The following ACOT7 variants were observed in gnomAD, a reference collection of about 807,000 sequenced individuals.
The protein encoded by ACOT7 is cytosolic acyl coenzyme A thioester hydrolase.
ACOT7 carries 12 observed loss-of-function variants against 40.2 expected under a neutral mutation model. That is an observed-to-expected ratio of 0.30 (90% CI 0.19 to 0.48). The LOEUF is 0.48. Ranked by LOEUF, ACOT7 falls within the 20% of genes least tolerant of loss-of-function variation. ACOT7 has a pLI of 0.99. For synonymous variants in ACOT7, 228 were observed against 219.5 expected (o/e 1.04, Z -0.34); for missense variants, 395 against 530.8 (o/e 0.74, Z 2.51).
intron 1 of ACOT7, among the ~76,000 whole-genome samples, chr1:6,364,564 A>G (rs1185413460): frequency 6.9e-6 from 1 of 144,132 alleles, no homozygotes; most frequent in Admixed American, 7.0e-5. Flanking sequence ...AAAGCCCAGC[A>G]TTTGGCCTGG....
At chr1:6,300,658 T>C (rs879595152) in intron 6 of ACOT7, among the ~76,000 whole-genome samples, 5 of 136,600 alleles carry the variant, frequency 3.7e-5, no homozygotes, top group Non-Finnish European at 4.6e-5. Flanking sequence ...AAACACAGAA[T>C]CTCACCGGAC....
intron 1 of ACOT7, among the ~76,000 whole-genome samples, chr1:6,376,967 A>G (rs1407343665): frequency 6.6e-6 from 1 of 152,250 alleles, no homozygotes; most frequent in Admixed American, 6.5e-5. Context: ...GACAGCAAAT[A>G]CGCACATGAA....
intron 6 of ACOT7, among the ~76,000 whole-genome samples, chr1:6,317,746 T>TC (rs910350994): frequency 1.4e-5 from 2 of 144,964 alleles, no homozygotes; most frequent in African/African-American, 5.4e-5. Context: ...TTTTTTTTTT[T>TC]CTTGAGACGG....
intron 8 of ACOT7, among the ~76,000 whole-genome samples, chr1:6,276,035 T>C (rs553035625): frequency 3.3e-5 from 5 of 152,274 alleles, no homozygotes; most frequent in African/African-American, 1.2e-4. Flanking sequence ...CTGACAGCCA[T>C]GGAACAGGCT....
intron 1 of ACOT7, among the ~76,000 whole-genome samples, chr1:6,365,045 G>T (rs1332967002): frequency 1.3e-5 from 2 of 151,998 alleles, no homozygotes; most frequent in Non-Finnish European, 2.9e-5. Context: ...GGAAAGGAAT[G>T]AATAACTGAT....
At chr1:6,272,656 C>G (rs990242663) in intron 8 of ACOT7, among the ~76,000 whole-genome samples, 7 of 152,316 alleles carry the variant, frequency 4.6e-5, no homozygotes, top group Middle Eastern at 3.4e-3. Context: ...TTTGCCAGGA[C>G]ACTCCACACC....
intron 8 of ACOT7, among the ~76,000 whole-genome samples, chr1:6,270,748 G>C (rs1639009542): frequency 6.6e-6 from 1 of 152,204 alleles, no homozygotes; most frequent in South Asian, 2.1e-4. Flanking sequence ...GCGGTCCCTG[G>C]TGCATGTGTG....
At chr1:6,302,508 C>G (rs1177192487) in intron 6 of ACOT7, among the ~76,000 whole-genome samples, 3 of 152,076 alleles carry the variant, frequency 2.0e-5, no homozygotes, top group Non-Finnish European at 4.4e-5. Context: ...GGCGAAAAAC[C>G]AGTGCCTCAG....
At chr1:6,381,067 C>G (rs1642324217) in intron 1 of ACOT7, among the ~76,000 whole-genome samples, 1 of 151,798 alleles carries the variant, frequency 6.6e-6, no homozygotes, top group South Asian at 2.1e-4. Flanking sequence ...ATTCATGTAT[C>G]AAAATACCAC....
In ACOT7 at chr1:6,358,892, C is replaced by A; in HGVS notation, c.144-9026G>T. The A allele has an allele frequency of 1.9e-6, 3 of 1,611,082 alleles. No individual in the cohort carries two copies. Among genetic ancestry groups the A allele is most frequent in the Non-Finnish European group, 1.7e-6 (2 of 1,178,482 alleles). On this transcript the variant is annotated intron_variant, in intron 1 of 8. Transcript: ENST00000361521. This position sits in a 1 kb window ranked among gnomAD's most constrained non-coding sequence, Gnocchi z 4.1. The stretch of plus-strand genomic sequence containing the variant: ...TCAGATGCAGAGAAAGGCGAGGGAG[C>A]AGGGAAGCATCACAGAGTCCTTGCC...
At chr1:6,383,644 T>C (rs1490560891) in intron 1 of ACOT7, among the ~76,000 whole-genome samples, 1 of 151,412 alleles carries the variant, frequency 6.6e-6, no homozygotes, top group Admixed American at 6.6e-5. Flanking sequence ...CAAGCAATCT[T>C]CCTGCCTCAA....
chr1:6,385,585 A>G, intron 1 of ACOT7: 1 of 1,612,106 alleles, frequency 6.2e-7, no homozygotes, highest in Non-Finnish European at 8.5e-7. Flanking sequence ...GGCCCCACAC[A>G]TCCCTGGCCA....
chr1:6,285,192 G>A (rs1230672994), intron 7 of ACOT7, among the ~76,000 whole-genome samples: 1 of 152,204 alleles, frequency 6.6e-6, no homozygotes, highest in Non-Finnish European at 1.5e-5. Flanking sequence ...TGGGTCACAT[G>A]TGGACACCAG....
intron 6 of ACOT7, among the ~76,000 whole-genome samples, chr1:6,313,855 T>C (rs915202149): frequency 6.6e-6 from 1 of 152,014 alleles, no homozygotes; most frequent in East Asian, 1.9e-4. Context: ...GAAGCCAAGC[T>C]GTCTGGGTGG....
intron 1 of ACOT7, among the ~76,000 whole-genome samples, chr1:6,370,978 T>C (rs1161536962): frequency 6.6e-6 from 1 of 151,834 alleles, no homozygotes; most frequent in Non-Finnish European, 1.5e-5. Context: ...GCCTGGCTAA[T>C]TTTTATATTT....
In ACOT7 at chr1:6,294,041, G is replaced by A. The variant is rs1402828191; in HGVS notation, c.829+823C>T. Among the ~76,000 whole-genome samples, 1 of 152,200 alleles carries A rather than the reference G, an allele frequency of 6.6e-6. No homozygotes were observed. Among genetic ancestry groups the A allele is most frequent in the Non-Finnish European group, 1.5e-5 (1 of 68,036 alleles). On this transcript the variant is annotated intron_variant, in intron 7 of 8. Coordinates refer to ENST00000361521, the MANE Select transcript of ACOT7 (RefSeq NM_007274.4). This position sits in a 1 kb window ranked among gnomAD's most constrained non-coding sequence, Gnocchi z 4.6. ...TTCCACTCTCGCTTCCCACGACAAGGGGCTGGTCTCAGCCAACAGCTCCTC... is the reference window on the plus strand; with the variant it reads ...TTCCACTCTCGCTTCCCACGACAAGAGGCTGGTCTCAGCCAACAGCTCCTC...
rs745839382 is a variant in ACOT7 at position 6,327,275 on chromosome 1, G to A, written c.625+24C>T. 2.5e-6 allele frequency: 4 copies of A among 1,611,604 alleles called. No individual in the cohort carries two copies. In the South Asian group the frequency reaches 4.4e-5, roughly 18 times the overall value. On this transcript the variant is annotated intron_variant, in intron 5 of 8. Transcript: ENST00000361521. ...GCGTCCCCGGTGAGGAGTGGCACCT[G>A]CTGCTGGTGTCCGCGGCTCTTACCT...
intron 4 of ACOT7, among the ~76,000 whole-genome samples, chr1:6,332,590 T>C (rs925635742): frequency 2.6e-5 from 4 of 151,916 alleles, no homozygotes; most frequent in Non-Finnish European, 5.9e-5. Context: ...CCGAGGTGGG[T>C]GGATCATGAG....
chr1:6,339,373 A>C (rs1641197369), intron 3 of ACOT7, 60 bp downstream of exon 3: 7 of 1,607,866 alleles, frequency 4.4e-6, no homozygotes, highest in Non-Finnish European at 5.9e-6. Context: ...CTCAGGAGGG[A>C]AGCAGCTGTG....
Sources: gnomAD v4.1 joint callset for allele counts (sites outside exome capture counted in the v4.1 genomes callset) on GRCh38, gnomAD v4.1.1 for gene constraint, Gnocchi (gnomAD v3.1) non-coding constraint, MANE v1.5 for transcripts, NCBI Gene and HGNC (gene_info 2026-07-23, HGNC 2026-07-21) for gene names.